Variants in TBC1D8 observed in about 807,000 individuals in gnomAD.
The protein encoded by TBC1D8 is BUB2-like protein 1.
A neutral mutation model predicts 118.8 loss-of-function variants in TBC1D8; 65 were observed. The ratio of observed to expected loss-of-function variants is 0.55; its 90% CI spans 0.45 to 0.67. The LOEUF (loss-of-function observed/expected upper bound fraction) is 0.67, where lower values mean the gene tolerates loss of function less well. Among genes scored for constraint, TBC1D8 ranks in the 30% least tolerant of loss-of-function variants. TBC1D8 has a pLI of 0.00. For missense variants in TBC1D8, 1,376 were observed against 1,471.2 expected, an observed-to-expected ratio of 0.94 and a Z score of 1.06; for synonymous variants, 566 against 595.8, an observed-to-expected ratio of 0.95 and a Z score of 0.73.
In TBC1D8 at chr2:101,022,494, C is replaced by G; in HGVS notation, c.2548G>C (p.Glu850Gln). The change falls in exon 16 of 20, where the codon GAG becomes CAG. Residue 850 changes from glutamate (E) to glutamine (Q), a missense_variant. Physicochemically the swap from Glu to Gln is conservative, Grantham distance 29. Coordinates refer to ENST00000409318, the MANE Select transcript of TBC1D8 (RefSeq NM_001330348.2). ...CGTGAGGCCATGGGCCTGGGCTGCT[C>G]CCAGTAACAGCTCATCATATGTTCT... ...KREHMMSCYW[E>Q]QPRPMASRHD... 11 of 1,599,608 alleles carry G rather than the reference C, an allele frequency of 6.9e-6. No homozygotes were observed. The highest frequency in any genetic ancestry group is 9.4e-6 in the Non-Finnish European group (11 of 1,176,102).
chr2:101,138,307 A>G (rs1429840506), intron 1 of TBC1D8, among the ~76,000 whole-genome samples: 1 of 152,200 alleles, frequency 6.6e-6, no homozygotes, highest in Non-Finnish European at 1.5e-5. Context: ...GGTAAAAGAA[A>G]AAAACATTAT....
intron 2 of TBC1D8, among the ~76,000 whole-genome samples, chr2:101,073,265 TTTTA>T (rs1361546099): frequency 6.6e-6 from 1 of 150,672 alleles, no homozygotes; most frequent in Non-Finnish European, 1.5e-5. Flanking sequence ...GTTTTATTTT[TTTTA>T]TTTTTTATTT....
intron 1 of TBC1D8, among the ~76,000 whole-genome samples, chr2:101,123,725 C>T (rs1420148401): frequency 6.6e-6 from 1 of 152,114 alleles, no homozygotes; most frequent in East Asian, 1.9e-4. Flanking sequence ...GTCAGTTGTT[C>T]GCTTTGTTTT....
At chr2:101,109,453 A>G (rs1386972749) in intron 1 of TBC1D8, among the ~76,000 whole-genome samples, 1 of 152,228 alleles carries the variant, frequency 6.6e-6, no homozygotes, top group South Asian at 2.1e-4. Context: ...AAAGACAAAA[A>G]TATATACATA....
chr2:101,144,127 T>C (rs922388268), intron 1 of TBC1D8, among the ~76,000 whole-genome samples: 4 of 152,248 alleles, frequency 2.6e-5, no homozygotes, highest in African/African-American at 9.6e-5. Context: ...AAGATTGTAC[T>C]ACTTGATGTC....
chr2:101,071,300 G>C (rs1211240546), intron 2 of TBC1D8, among the ~76,000 whole-genome samples: 2 of 152,060 alleles, frequency 1.3e-5, no homozygotes, highest in Non-Finnish European at 2.9e-5. Flanking sequence ...AGCCGAGATC[G>C]CACCACTGCA....
chr2:101,058,826 T>A (rs921964188), intron 3 of TBC1D8, among the ~76,000 whole-genome samples: 1 of 152,178 alleles, frequency 6.6e-6, no homozygotes, highest in African/African-American at 2.4e-5. Flanking sequence ...TAACACTATT[T>A]TTTTTTCCTG....
At chr2:101,135,552 G>C (rs1678818725) in intron 1 of TBC1D8, among the ~76,000 whole-genome samples, 2 of 152,226 alleles carry the variant, frequency 1.3e-5, no homozygotes, top group South Asian at 4.1e-4. Context: ...GGCGCAGTTG[G>C]CGTTATGGAG....
chr2:101,028,287 C>A lies in TBC1D8; in HGVS notation c.2352+16G>T. The A allele has an allele frequency of 6.2e-7, 1 of 1,600,558 alleles. No individual in the cohort carries two copies. The highest frequency in any genetic ancestry group is 8.5e-7 in the Non-Finnish European group (1 of 1,173,452). ...TTAGGGGCTGCAACGGGGCATGGGG[C>A]GGGGGTTCCCGTTACCTCATAGGAA... On this transcript the variant is annotated intron_variant, in intron 13 of 19. Coordinates refer to ENST00000409318, the MANE Select transcript of TBC1D8 (RefSeq NM_001330348.2).
At chr2:101,115,050 C>T (rs555832290) in intron 1 of TBC1D8, among the ~76,000 whole-genome samples, 2 of 152,176 alleles carry the variant, frequency 1.3e-5, no homozygotes, top group Non-Finnish European at 2.9e-5. Flanking sequence ...AGCTTTGGAT[C>T]GGGGCTCAGT....
intron 1 of TBC1D8, 69 bp downstream of exon 1, chr2:101,151,058 G>GGGCCGCGGGCCCGGCGGGGTGCGA (rs1298928840): frequency 1.0e-6 from 1 of 966,032 alleles, no homozygotes; most frequent in African/African-American, 1.8e-5. Flanking sequence ...CCGGGACTGG[G>GGGCCGCGGGCCCGGCGGGGTGCGA]GGCCGCGGGC....
chr2:101,089,576 G>A (rs1675877743), intron 2 of TBC1D8, among the ~76,000 whole-genome samples: 1 of 152,118 alleles, frequency 6.6e-6, no homozygotes, highest in Non-Finnish European at 1.5e-5. Context: ...AGATGAGCAG[G>A]TGGTTTCCAC....
At chr2:101,080,577 A>G (rs1222682362) in intron 2 of TBC1D8, among the ~76,000 whole-genome samples, 1 of 152,212 alleles carries the variant, frequency 6.6e-6, no homozygotes. Context: ...CTGAAAGAAC[A>G]TTCTGTCAGG....
At chr2:101,033,446 T>G in intron 10 of TBC1D8, 98 bp downstream of exon 10, 1 of 1,457,456 alleles carries the variant, frequency 6.9e-7, no homozygotes, top group Non-Finnish European at 9.5e-7. Flanking sequence ...ACGACAACAC[T>G]CAGGACCAGA....
chr2:101,027,337 G>A, intron 15 of TBC1D8, 46 bp downstream of exon 15: 1 of 1,585,994 alleles, frequency 6.3e-7, no homozygotes, highest in Non-Finnish European at 8.7e-7. Flanking sequence ...CCGCGGCTCA[G>A]GCCAGCTCAG....
intron 10 of TBC1D8, chr2:101,032,665 C>A: frequency 2.8e-6 from 1 of 355,134 alleles, no homozygotes; most frequent in Non-Finnish European, 5.2e-6. Context: ...GGTTTAAATC[C>A]AGCTATTCGC....
chr2:101,040,425 G>A (rs2105400090), intron 5 of TBC1D8, 40 bp from the exon 6 acceptor site: 1 of 1,533,820 alleles, frequency 6.5e-7, no homozygotes, highest in East Asian at 2.4e-5. Flanking sequence ...AGATAGGAAA[G>A]GTGAATGGAC....
Position 101,151,261 on chromosome 2 carries a change from G to A in TBC1D8, c.-8C>T. 2.6e-6 allele frequency: 3 copies of A among 1,143,996 alleles called. No individual in the cohort carries two copies. The highest frequency in any genetic ancestry group is 2.2e-6 in the Non-Finnish European group (2 of 916,840). 70.9% of individuals were successfully genotyped at this position (1,143,996 alleles called of 1,614,324 possible). On this transcript the variant is annotated 5_prime_UTR_variant, in exon 1 of 20. Transcript: ENST00000409318. ...CTCGGGCTTGAGCCACATCGCGGCGGTCCGGCCGCGCCCGCCGGCCCCAGC... is the reference window on the plus strand; with the variant it reads ...CTCGGGCTTGAGCCACATCGCGGCGATCCGGCCGCGCCCGCCGGCCCCAGC...
intron 2 of TBC1D8, among the ~76,000 whole-genome samples, chr2:101,073,522 C>A (rs926685989): frequency 1.3e-5 from 2 of 152,116 alleles, no homozygotes; most frequent in African/African-American, 4.8e-5. Flanking sequence ...TCTCGATCTC[C>A]TGACCTCGTG....
Sources: gnomAD v4.1 joint callset for allele counts (sites outside exome capture counted in the v4.1 genomes callset) on GRCh38, gnomAD v4.1.1 for gene constraint, MANE v1.5 for transcripts, NCBI Gene and HGNC (gene_info 2026-07-23, HGNC 2026-07-21) for gene names.